The following ZNF474 variants were observed in gnomAD, a reference collection of about 807,000 sequenced individuals.
ZNF474 encodes zinc finger protein 474.
For synonymous variants in ZNF474, 192 were observed against 162.2 expected, an observed-to-expected ratio of 1.18 and a Z score of -1.39; for missense variants, 511 against 433.8, an observed-to-expected ratio of 1.18 and a Z score of -1.58.
At chr5:122,138,017 G>C (rs575367904) in intron 1 of ZNF474, among the ~76,000 whole-genome samples, 4 of 152,162 alleles carry the variant, frequency 2.6e-5, no homozygotes, top group Non-Finnish European at 5.9e-5. Context: ...CCACTTCAAT[G>C]CTAGATATGG....
chr5:122,143,735 T>C (rs987454778), intron 1 of ZNF474, among the ~76,000 whole-genome samples: 5 of 152,208 alleles, frequency 3.3e-5, no homozygotes, highest in African/African-American at 1.2e-4. Flanking sequence ...AATCCAACTA[T>C]GGTCTATATT....
Position 122,152,690 on chromosome 5 carries a change from C to G in ZNF474, c.700C>G (p.Leu234Val). 3 of 1,614,200 alleles carry G rather than the reference C, an allele frequency of 1.9e-6. No homozygotes were observed. Among genetic ancestry groups the G allele is most frequent in the South Asian group, 1.1e-5 (1 of 91,082 alleles). Reference protein sequence around the residue: ...CYICGKEFGTLSLPIHEPKCL... With the variant: ...CYICGKEFGTVSLPIHEPKCL... ...CATATGTGGTAAGGAATTTGGCACC[C>G]TGTCCCTTCCTATTCATGAGCCCAA... The change falls in exon 2 of 2, where the codon CTG (leucine) becomes GTG (valine). Residue 234 changes from leucine to valine, a missense_variant. Leu to Val is a conservative substitution (Grantham distance 32). Transcript: ENST00000296600.
In ZNF474 at chr5:122,152,310, A is replaced by C; in HGVS notation, c.320A>C (p.Gln107Pro). The change falls in exon 2 of 2, where the codon CAG becomes CCG. Residue 107 changes from glutamine (Q) to proline (P), a missense_variant. Transcript: ENST00000296600. Reference sequence around the variant, plus strand: ...ATCTGTGGCCGAGAATTTGGGTCCCAGTCAATTGCCATTCATGAACCCCAG... The same window carrying C: ...ATCTGTGGCCGAGAATTTGGGTCCCCGTCAATTGCCATTCATGAACCCCAG... ...CYICGREFGSQSIAIHEPQCL... is the reference protein window; with the variant it reads ...CYICGREFGSPSIAIHEPQCL... 3.1e-6 allele frequency: 5 copies of C among 1,614,218 alleles called. No individual in the cohort carries two copies. Among genetic ancestry groups the C allele is most frequent in the Non-Finnish European group, 4.2e-6 (5 of 1,180,044 alleles).
chr5:122,138,782 A>ATG (rs970669059), intron 1 of ZNF474, among the ~76,000 whole-genome samples: 79 of 151,742 alleles, frequency 5.2e-4, no homozygotes, highest in South Asian at 1.7e-3. Context: ...GTATGTGTGT[A>ATG]TGTGTGTGTG....
intron 1 of ZNF474, among the ~76,000 whole-genome samples, chr5:122,139,692 C>G (rs1410060806): frequency 6.6e-6 from 1 of 152,048 alleles, no homozygotes; most frequent in African/African-American, 2.4e-5. Flanking sequence ...GCTTATAACA[C>G]TTAAGTTGGG....
chr5:122,147,003 G>A (rs759063766), intron 1 of ZNF474, among the ~76,000 whole-genome samples: 1 of 152,228 alleles, frequency 6.6e-6, no homozygotes, highest in Non-Finnish European at 1.5e-5. Context: ...TCTATTAATT[G>A]AGGGAGTTGA....
rs1319100064 is a variant in ZNF474, at chr5:122,152,246, G to A, written c.256G>A (p.Val86Met). Reference sequence around the variant, plus strand: ...ATCGGAAAGCCAGCTTAGCCCCCCTGTGATCCCGGCCCGCAGGCCTGGATT... The same window carrying A: ...ATCGGAAAGCCAGCTTAGCCCCCCTATGATCCCGGCCCGCAGGCCTGGATT... Reference protein sequence around the residue: ...IISESQLSPPVIPARRPGFRV... With the variant: ...IISESQLSPPMIPARRPGFRV... Residue 86 changes from valine (V) to methionine (M), a missense_variant, in exon 2 of 2, where the codon GTG becomes ATG. Val to Met is a conservative substitution (Grantham distance 21, BLOSUM62 1). Coordinates refer to ENST00000296600, the MANE Select transcript of ZNF474 (RefSeq NM_207317.3). 4.3e-6 allele frequency: 7 copies of A among 1,614,084 alleles called. No homozygotes were observed.
chr5:122,134,858 G>A (rs1337754350), intron 1 of ZNF474, among the ~76,000 whole-genome samples: 1 of 152,026 alleles, frequency 6.6e-6, no homozygotes, highest in East Asian at 1.9e-4. Flanking sequence ...AATCAAAAAG[G>A]ACTAAATCAA....
intron 1 of ZNF474, among the ~76,000 whole-genome samples, chr5:122,144,595 G>A (rs1449022766): frequency 1.3e-5 from 2 of 152,126 alleles, no homozygotes; most frequent in Non-Finnish European, 2.9e-5. Flanking sequence ...AGGCTAAAAG[G>A]AACATAGCTA....
In ZNF474 at chr5:122,152,445, C is replaced by T. The variant is rs766309881; in HGVS notation, c.455C>T (p.Ala152Val). 1.9e-6 allele frequency: 3 copies of T among 1,614,190 alleles called. No individual in the cohort carries two copies. The highest frequency in any genetic ancestry group is 3.3e-5 in the Admixed American group (2 of 60,028). Residue 152 changes from alanine to valine, a missense_variant, in exon 2 of 2, where the codon GCA (alanine) becomes GTA (valine). Transcript: ENST00000296600. ...LSSSGSYSLQ[A>V]TNEAAFQSAQ... ...AGCAGTGGGTCCTACAGTCTTCAGGCAACTAACGAGGCTGCATTTCAGAGT... is the reference window on the plus strand; with the variant it reads ...AGCAGTGGGTCCTACAGTCTTCAGGTAACTAACGAGGCTGCATTTCAGAGT...
intron 1 of ZNF474, among the ~76,000 whole-genome samples, chr5:122,141,300 A>ACTTTTTTTTTTTTTTTTTT (rs1755839307): frequency 3.1e-5 from 2 of 64,360 alleles, no homozygotes; most frequent in Admixed American, 2.4e-4. Context: ...ACCCCTGGCT[A>ACTTTTTTTTTTTTTTTTTT]TTTTTTTTTT....
chr5:122,141,300 A>ATTTTTTGTTTTTTTTTTTT, intron 1 of ZNF474, among the ~76,000 whole-genome samples: 1 of 64,342 alleles, frequency 1.6e-5, no homozygotes, highest in Non-Finnish European at 2.6e-5. Flanking sequence ...ACCCCTGGCT[A>ATTTTTTGTTTTTTTTTTTT]TTTTTTTTTT....
At chr5:122,130,305 T>G (rs558389623) in intron 1 of ZNF474, among the ~76,000 whole-genome samples, 7 of 152,160 alleles carry the variant, frequency 4.6e-5, no homozygotes, top group Non-Finnish European at 1.0e-4. Context: ...ACGGGACATT[T>G]ATTTCACCCT....
chr5:122,130,459 G>A (rs1161349043), intron 1 of ZNF474, among the ~76,000 whole-genome samples: 8 of 152,148 alleles, frequency 5.3e-5, no homozygotes, highest in Admixed American at 6.5e-5. Context: ...TCAGACTGAC[G>A]TCTCTGGCTC....
chr5:122,132,083 T>C (rs190031260), intron 1 of ZNF474, among the ~76,000 whole-genome samples: 186 of 152,262 alleles, frequency 1.2e-3, no homozygotes, highest in Non-Finnish European at 2.3e-3. Flanking sequence ...ATGGAATAAT[T>C]AAGTACCTAT....
At chr5:122,133,361 G>A (rs368891964) in intron 1 of ZNF474, among the ~76,000 whole-genome samples, 1 of 151,958 alleles carries the variant, frequency 6.6e-6, no homozygotes, top group Middle Eastern at 3.2e-3. Flanking sequence ...ATCTATACCT[G>A]GTCAAATATG....
chr5:122,151,738 T>TGTGTGTG, intron 1 of ZNF474, 41 bp from the exon 2 acceptor site: 1 of 392,054 alleles, frequency 2.6e-6, no homozygotes, highest in Non-Finnish European at 4.7e-6. Context: ...TGTGTGTGTG[T>TGTGTGTG]TTACATAATA....
At chr5:122,146,092 C>T (rs890956411) in intron 1 of ZNF474, among the ~76,000 whole-genome samples, 2 of 152,192 alleles carry the variant, frequency 1.3e-5, no homozygotes, top group Non-Finnish European at 2.9e-5. Flanking sequence ...AGCACATGCA[C>T]ACAGGAAGCC....
Position 122,141,905 on chromosome 5 carries a change from A to G in ZNF474, c.-212-9874A>G, listed in dbSNP as rs186283247. On this transcript the variant is annotated intron_variant, in intron 1 of 1. Coordinates refer to ENST00000296600, the MANE Select transcript of ZNF474 (RefSeq NM_207317.3). ...TTTTTTCTGCTGCTGTCTATCTCTC[A>G]CTGACTGGGGAAGAAGTTCTCCACA... 1.1e-4 allele frequency among the ~76,000 whole-genome samples: 16 copies of G among 152,304 alleles called. No individual in the cohort carries two copies. The East Asian group carries it at 3.1e-3, about 29-fold the overall frequency.
Sources: allele counts gnomAD v4.1 joint callset (sites outside exome capture counted in the v4.1 genomes callset), GRCh38; gene constraint gnomAD v4.1.1; transcripts MANE v1.5; gene names NCBI Gene and HGNC (gene_info 2026-07-23, HGNC 2026-07-21).